The following GSE1 variants were observed in gnomAD, a reference collection of about 807,000 sequenced individuals.
GSE1 encodes Gse1 coiled-coil protein.
In GSE1, 32 loss-of-function variants were observed where a neutral mutation model predicts 112.6. The ratio of observed to expected loss-of-function variants is 0.28; its 90% CI spans 0.21 to 0.38. GSE1 has a LOEUF of 0.38. Among genes scored for constraint, GSE1 ranks in the 10% least tolerant of loss-of-function variants. The pLI is 1.00. For missense variants in GSE1, 2,348 were observed against 1,699.2 expected, an observed-to-expected ratio of 1.38 and a Z score of -6.71; for synonymous variants, 1,115 against 735.6, an observed-to-expected ratio of 1.52 and a Z score of -8.35.
chr16:85,380,644 A>G (rs1452950981), intron 2 of GSE1, among the ~76,000 whole-genome samples: 2 of 152,154 alleles, frequency 1.3e-5, no homozygotes, highest in African/African-American at 4.8e-5. Context: ...GACGGTAGCT[A>G]TTTGAAATCT....
intron 1 of GSE1, among the ~76,000 whole-genome samples, chr16:85,227,681 G>C (rs768730150): frequency 2.0e-5 from 3 of 152,164 alleles, no homozygotes; most frequent in Non-Finnish European, 4.4e-5. Flanking sequence ...ATGAGGGCAG[G>C]CAGAGAGGAA....
intron 2 of GSE1, among the ~76,000 whole-genome samples, chr16:85,548,054 T>C (rs1298785624): frequency 3.2e-4 from 49 of 151,684 alleles, no homozygotes; most frequent in Admixed American, 3.2e-3. Flanking sequence ...GGTGAAACGC[T>C]GTCTCTACTA....
Position 85,440,960 on chromosome 16 carries a change from G to T in GSE1, c.2464+83317G>T, listed in dbSNP as rs1224226052. ...GAGCCCTGGGCCACTTGCCGGGGGT[G>T]GGCCTGAAATGCACACGTCCAGCCA... On this transcript the variant is annotated intron_variant, in intron 2 of 2. Transcript: ENST00000637419. Among the ~76,000 whole-genome samples, 4 of 152,204 alleles carry T rather than the reference G, an allele frequency of 2.6e-5. No individual in the cohort carries two copies. The East Asian group carries it at 5.8e-4, about 22-fold the overall frequency.
chr16:85,226,039 G>A (rs1352821327), intron 1 of GSE1, among the ~76,000 whole-genome samples: 1 of 152,184 alleles, frequency 6.6e-6, no homozygotes, highest in Admixed American at 6.5e-5. Flanking sequence ...CCCCACATTA[G>A]GGCGCTGGTT....
At chr16:85,671,494 G>C (rs2053337736) in intron 15 of GSE1, among the ~76,000 whole-genome samples, 1 of 149,892 alleles carries the variant, frequency 6.7e-6, no homozygotes, top group African/African-American at 2.5e-5. Context: ...GCTTACACCT[G>C]TAATCCCAGC....
chr16:85,413,047 G>C (rs1352762076), intron 2 of GSE1, among the ~76,000 whole-genome samples: 9 of 152,224 alleles, frequency 5.9e-5, no homozygotes, highest in South Asian at 4.1e-4. Flanking sequence ...GTTCCGTGCT[G>C]CTGCTGGAGG....
At chr16:85,644,262 C>G (rs528244092) in intron 2 of GSE1, among the ~76,000 whole-genome samples, 48 of 152,012 alleles carry the variant, frequency 3.2e-4, no homozygotes, top group African/African-American at 1.1e-3. Flanking sequence ...TCACTTGAAC[C>G]CAGGAGGTTG....
intron 1 of GSE1, among the ~76,000 whole-genome samples, chr16:85,263,026 A>ACGGATC (rs1423087057): frequency 6.6e-6 from 1 of 152,220 alleles, no homozygotes; most frequent in Non-Finnish European, 1.5e-5. Flanking sequence ...TAAATAACAC[A>ACGGATC]CGGATCCCAC....
intron 1 of GSE1, among the ~76,000 whole-genome samples, chr16:85,327,764 C>A (rs1448090486): frequency 6.6e-6 from 1 of 152,196 alleles, no homozygotes; most frequent in African/African-American, 2.4e-5. Context: ...TTCATACAGG[C>A]CATTGACCCT....
intron 2 of GSE1, among the ~76,000 whole-genome samples, chr16:85,529,783 G>C (rs937516977): frequency 1.3e-5 from 2 of 152,206 alleles, no homozygotes; most frequent in African/African-American, 4.8e-5. Context: ...TCTAGCTAGA[G>C]GAGGTTTGCC....
rs539690339 is a variant in GSE1 at position 85,465,187 on chromosome 16, T to A, written c.2464+107544T>A. Reference sequence around the variant, plus strand: ...GGACGGCCCCTGGTTCCCGGCTGCATGCAGCGGTTGGGTGGGAATCCTGGG... The same window carrying A: ...GGACGGCCCCTGGTTCCCGGCTGCAAGCAGCGGTTGGGTGGGAATCCTGGG... On this transcript the variant is annotated intron_variant, in intron 2 of 2. Coordinates refer to the GSE1 transcript ENST00000637419. Among the ~76,000 whole-genome samples, 9 of 152,340 alleles carry A rather than the reference T, an allele frequency of 5.9e-5. No individual in the cohort carries two copies. The South Asian group carries it at 1.9e-3, about 32-fold the overall frequency.
At chr16:85,396,016 A>G (rs1488961218) in intron 2 of GSE1, among the ~76,000 whole-genome samples, 3 of 152,158 alleles carry the variant, frequency 2.0e-5, no homozygotes, top group Non-Finnish European at 4.4e-5. Flanking sequence ...TCTGCTTTTT[A>G]CCCCTGAGCT....
At chr16:85,174,643 A>AG (rs977993437) in intron 1 of GSE1, among the ~76,000 whole-genome samples, 1 of 152,062 alleles carries the variant, frequency 6.6e-6, no homozygotes, top group Non-Finnish European at 1.5e-5. Flanking sequence ...GTCATGGGGG[A>AG]GGGGGACACA....
rs1368720174 is a variant in GSE1 at position 85,661,740 on chromosome 16, C to T, written c.2235C>T (p.Arg745=). ...TCAGCAAGCTGGACCTGGAGGAGCG[C>T]AGGCGGCGGGAGGCCCAGGAGAAAG... ...RLVSKLDLEE[R]RRREAQEKGY... is the part of the protein sequence containing the mutation. Residue 745 remains arginine (R), a synonymous_variant, in exon 9 of 16, where the codon CGC becomes CGT. Coordinates refer to ENST00000253458, the MANE Select transcript of GSE1 (RefSeq NM_014615.5). 6.4e-7 allele frequency: 1 copy of T among 1,555,520 alleles called. No homozygotes were observed. Among genetic ancestry groups the T allele is most frequent in the Non-Finnish European group, 8.7e-7 (1 of 1,148,574 alleles).
chr16:85,626,060 G>C (rs1315146758), intron 1 of GSE1, among the ~76,000 whole-genome samples: 1 of 152,150 alleles, frequency 6.6e-6, no homozygotes, highest in Non-Finnish European at 1.5e-5. Flanking sequence ...GATGGCCCTG[G>C]CCGGTTTCTG....
At chr16:85,647,818 C>G (rs1400189974) in intron 2 of GSE1, among the ~76,000 whole-genome samples, 2 of 152,180 alleles carry the variant, frequency 1.3e-5, no homozygotes, top group African/African-American at 4.8e-5. Context: ...AACTCCTGAC[C>G]TCGTGATCTG....
At chr16:85,273,863 A>AT (rs1399628119) in intron 1 of GSE1, among the ~76,000 whole-genome samples, 8,507 of 138,842 alleles carry the variant, frequency 0.061, 791 homozygotes, top group African/African-American at 0.21. Flanking sequence ...CTAATTTTGT[A>AT]TTTTTTTTTT....
chr16:85,322,074 G>A (rs2046119892), intron 1 of GSE1, among the ~76,000 whole-genome samples: 1 of 152,370 alleles, frequency 6.6e-6, no homozygotes, highest in African/African-American at 2.4e-5. Context: ...GAAGGTGCCT[G>A]AGGCTCTGCA....
At chr16:85,657,639 C>T (rs768490054) in intron 8 of GSE1, 35 bp downstream of exon 8, 9 of 1,402,478 alleles carry the variant, frequency 6.4e-6, no homozygotes, top group Non-Finnish European at 8.6e-6. Context: ...AGGGATGAGC[C>T]TTCACGTTCC....
Sources: allele counts gnomAD v4.1 joint callset (sites outside exome capture counted in the v4.1 genomes callset), GRCh38; gene constraint gnomAD v4.1.1; transcripts MANE v1.5; gene names NCBI Gene and HGNC (gene_info 2026-07-23, HGNC 2026-07-21).